ATP2B2: variants seen among roughly 807,000 people sequenced by gnomAD.
ATP2B2 encodes the protein plasma membrane calcium-transporting ATPase 2.
A neutral mutation model predicts 120.0 loss-of-function variants in ATP2B2; 15 were observed. The ratio of observed to expected loss-of-function variants is 0.12; its 90% confidence interval spans 0.08 to 0.19. The LOEUF is 0.19. Among genes scored for constraint, ATP2B2 ranks in the 10% least tolerant of loss-of-function variants. The pLI is 1.00. For synonymous variants in ATP2B2, 694 were observed against 700.3 expected, an observed-to-expected ratio of 0.99 and a Z score of 0.14; for missense variants, 1,045 against 1,719.8, an observed-to-expected ratio of 0.61 and a Z score of 6.94.
intron 5 of ATP2B2, among the ~76,000 whole-genome samples, chr3:10,391,191 T>G (rs2124896447): frequency 6.6e-6 from 1 of 152,254 alleles, no homozygotes; most frequent in Middle Eastern, 3.4e-3. Context: ...GTCCTCAAAC[T>G]GGAGGAAACT....
At chr3:10,655,136 T>C (rs1298797811) in intron 1 of ATP2B2, among the ~76,000 whole-genome samples, 1 of 152,192 alleles carries the variant, frequency 6.6e-6, no homozygotes, top group Non-Finnish European at 1.5e-5. Context: ...GGTCAAGACA[T>C]AATATGAAAT....
At chr3:10,599,105 CTG>C (rs1277176917) in intron 2 of ATP2B2, among the ~76,000 whole-genome samples, 1 of 152,230 alleles carries the variant, frequency 6.6e-6, no homozygotes, top group Non-Finnish European at 1.5e-5. Flanking sequence ...CCCTGAATCC[CTG>C]GGGCCTTAGT....
intron 1 of ATP2B2, among the ~76,000 whole-genome samples, chr3:10,670,265 G>A (rs2071061084): frequency 6.6e-6 from 1 of 152,148 alleles, no homozygotes; most frequent in South Asian, 2.1e-4. Context: ...ATCGCCAGGC[G>A]GCTCTCTCTC....
intron 1 of ATP2B2, among the ~76,000 whole-genome samples, chr3:10,629,366 A>G (rs990286534): frequency 1.3e-5 from 2 of 148,964 alleles, no homozygotes; most frequent in Non-Finnish European, 2.9e-5. Context: ...ATCTGGGTAC[A>G]TACATTATCT....
intron 22 of ATP2B2, among the ~76,000 whole-genome samples, chr3:10,331,477 G>T (rs1340093912): frequency 6.6e-6 from 1 of 152,172 alleles, no homozygotes; most frequent in South Asian, 2.1e-4. Flanking sequence ...GACTGACAAC[G>T]CAGAGGGGAT....
chr3:10,358,897 C>T lies in ATP2B2; in HGVS notation c.1930G>A (p.Glu644Lys), dbSNP rs764364185. The T allele has an allele frequency of 3.1e-6, 5 of 1,614,018 alleles. No individual in the cohort carries two copies. Among genetic ancestry groups the T allele is most frequent in the Non-Finnish European group, 4.2e-6 (5 of 1,180,016 alleles). The part of the protein sequence containing the change: ...KCCKILNGAG[E>K]PRVFRPRDRD... ...TCGCGGGGCCGGAAGACACGAGGCTCTCCCGCCCCATTGAGGATTTTGCAG... is the reference window on the plus strand; with the variant it reads ...TCGCGGGGCCGGAAGACACGAGGCTTTCCCGCCCCATTGAGGATTTTGCAG... Residue 644 changes from glutamate to lysine, a missense_variant, in exon 14 of 23, where the codon GAG becomes AAG. Glu to Lys is a moderately conservative substitution (Grantham distance 56). This residue lies in a region of ATP2B2 where 343 missense variants were observed against 536.8 expected (regional missense o/e 0.64). Coordinates refer to ENST00000360273, the MANE Select transcript of ATP2B2 (RefSeq NM_001001331.4).
intron 2 of ATP2B2, among the ~76,000 whole-genome samples, chr3:10,557,412 T>C (rs1003252317): frequency 3.3e-5 from 5 of 152,252 alleles, no homozygotes; most frequent in African/African-American, 1.2e-4. Context: ...CGAAGCTAGA[T>C]TCCCAGGGAG....
chr3:10,655,543 A>G (rs748389940), intron 1 of ATP2B2, among the ~76,000 whole-genome samples: 1 of 147,534 alleles, frequency 6.8e-6, no homozygotes, highest in African/African-American at 2.6e-5. Context: ...CAGCAGCATC[A>G]TCATTGCCTG....
Position 10,356,005 on chromosome 3 carries a change from G to C in ATP2B2, c.2136+2686C>G, listed in dbSNP as rs1461279568. 6.2e-5 allele frequency among the ~76,000 whole-genome samples: 4 copies of C among 64,370 alleles called. 1 individual carries two copies. Among genetic ancestry groups the C allele is most frequent in the Non-Finnish European group, 1.1e-4 (4 of 35,558 alleles). 42.2% of individuals were successfully genotyped at this position (64,370 alleles called of 152,430 possible). On this transcript the variant is annotated intron_variant, in intron 14 of 22. Transcript: ENST00000360273. ...CAGGGGAATGGCGTGAACCCGGGAG[G>C]CGGAGCTTGCAGTGAGCCGAGATCG...
At chr3:10,629,302 A>G (rs1472147094) in intron 1 of ATP2B2, among the ~76,000 whole-genome samples, 2 of 152,186 alleles carry the variant, frequency 1.3e-5, no homozygotes, top group Non-Finnish European at 2.9e-5. Context: ...ACCTCTGCAC[A>G]CGTCTACAAA....
At chr3:10,401,142 C>T in intron 4 of ATP2B2, 64 bp from the exon 5 acceptor site, 1 of 1,595,480 alleles carries the variant, frequency 6.3e-7, no homozygotes, top group Non-Finnish European at 8.6e-7. Flanking sequence ...GGAACATTCC[C>T]TTAAAGGTGC....
chr3:10,415,255 A>G lies in ATP2B2; in HGVS notation c.200-4440T>C, dbSNP rs2062741244. ...ACACGATGTCTCACGTAAGGAGTGT[A>G]GTGCTGTGCCTGGCACCGGGTAGAT... On this transcript the variant is annotated intron_variant, in intron 2 of 22. Transcript: ENST00000360273. Among the ~76,000 whole-genome samples, 2 of 152,202 alleles carry G rather than the reference A, an allele frequency of 1.3e-5. 1 individual carries two copies. Among genetic ancestry groups the G allele is most frequent in the Non-Finnish European group, 2.9e-5 (2 of 68,030 alleles).
chr3:10,670,343 C>G (rs186153788), intron 1 of ATP2B2, among the ~76,000 whole-genome samples: 1 of 152,108 alleles, frequency 6.6e-6, no homozygotes, highest in Non-Finnish European at 1.5e-5. Flanking sequence ...TCATTTTTAC[C>G]CAAAGAACAA....
At chr3:10,410,922 G>T in intron 2 of ATP2B2, 107 bp from the exon 3 acceptor site, 1 of 1,348,844 alleles carries the variant, frequency 7.4e-7, no homozygotes, top group Non-Finnish European at 1.0e-6. Context: ...ACTTGCTGGT[G>T]GCTGGCCCAG....
intron 1 of ATP2B2, among the ~76,000 whole-genome samples, chr3:10,480,562 G>A (rs145105833): frequency 2.0e-5 from 3 of 152,258 alleles, no homozygotes; most frequent in African/African-American, 7.2e-5. Flanking sequence ...CCTTGTTCCT[G>A]GACAGAACTC....
At chr3:10,626,808 T>G (rs1364597448) in intron 1 of ATP2B2, 1 of 151,892 alleles carries the variant, frequency 6.6e-6, no homozygotes, top group Non-Finnish European at 1.5e-5. Context: ...CAGAAAGTTC[T>G]CTATGAGAAA....
intron 1 of ATP2B2, among the ~76,000 whole-genome samples, chr3:10,641,029 C>T (rs117315299): frequency 2.0e-5 from 3 of 152,128 alleles, no homozygotes; most frequent in Non-Finnish European, 4.4e-5. Flanking sequence ...TGACCCCAGG[C>T]AGGAGGGATT....
intron 2 of ATP2B2, among the ~76,000 whole-genome samples, chr3:10,589,275 T>C (rs987247124): frequency 2.2e-4 from 34 of 152,118 alleles, no homozygotes; most frequent in African/African-American, 7.2e-4. Context: ...AGACCCACTA[T>C]AGGATTTGGT....
intron 1 of ATP2B2, among the ~76,000 whole-genome samples, chr3:10,693,688 C>G (rs1376190290): frequency 6.6e-6 from 1 of 152,214 alleles, no homozygotes; most frequent in African/African-American, 2.4e-5. Context: ...TATGTGGAAT[C>G]AGCTCCCTCT....
Sources: allele counts gnomAD v4.1 joint callset (sites outside exome capture counted in the v4.1 genomes callset), GRCh38; gene constraint gnomAD v4.1.1; regional missense constraint gnomAD v4.1.1; transcripts MANE v1.5; gene names NCBI Gene and HGNC (gene_info 2026-07-23, HGNC 2026-07-21).